Variants in DMD observed in about 807,000 individuals in gnomAD.
DMD encodes dystrophin, also known as mutant dystrophin.
Under a neutral mutation model 330.1 loss-of-function variants are expected in DMD, and 63 were observed. The observed-to-expected ratio is 0.19, with a 90% confidence interval of 0.16 to 0.24. The LOEUF is 0.24. Among genes scored for constraint, DMD ranks in the 10% least tolerant of loss-of-function variants. The pLI is 1.00. For synonymous variants in DMD, 1,223 were observed against 959.8 expected, an observed-to-expected ratio of 1.27 and a Z score of -5.07; for missense variants, 3,344 against 2,684.1, an observed-to-expected ratio of 1.25 and a Z score of -5.43.
chrX:32,705,926 C>A (rs758559225), intron 7 of DMD, among the ~76,000 whole-genome samples: 1 of 109,835 alleles, frequency 9.1e-6, no homozygotes, highest in Non-Finnish European at 1.9e-5. Flanking sequence ...CACATGCACA[C>A]GTATGTTTAC....
At chrX:31,617,322 G>A (rs1319684444) in intron 55 of DMD, among the ~76,000 whole-genome samples, 1 of 110,900 alleles carries the variant, frequency 9.0e-6, no homozygotes, top group Non-Finnish European at 1.9e-5. Context: ...ATCACCTGAG[G>A]TCAGGAGTTT....
intron 1 of DMD, among the ~76,000 whole-genome samples, chrX:33,306,783 T>C (rs975496104): frequency 1.8e-5 from 2 of 111,159 alleles, no homozygotes; most frequent in African/African-American, 6.5e-5. Flanking sequence ...GTCTCTGTAA[T>C]ACTGAGGACA....
chrX:31,579,544 G>C (rs1019378718), intron 55 of DMD, among the ~76,000 whole-genome samples: 2 of 111,866 alleles, frequency 1.8e-5, no homozygotes, highest in African/African-American at 6.5e-5. Context: ...AATTTACCAT[G>C]TTACACAGAT....
chrX:31,448,328 T>A (rs1240343463), intron 59 of DMD, among the ~76,000 whole-genome samples: 1 of 111,843 alleles, frequency 8.9e-6, no homozygotes, highest in Non-Finnish European at 1.9e-5. Flanking sequence ...CTTTGGCATT[T>A]GATTTAGGTT....
At chrX:31,184,435 A>C (rs2041518426) in intron 67 of DMD, among the ~76,000 whole-genome samples, 1 of 102,069 alleles carries the variant, frequency 9.8e-6, no homozygotes, top group Non-Finnish European at 2.0e-5. Flanking sequence ...CACCAGTTAG[A>C]ATGGCAATCA....
intron 2 of DMD, among the ~76,000 whole-genome samples, chrX:32,884,396 G>T (rs183211823): frequency 9.3e-4 from 104 of 111,961 alleles, no homozygotes; most frequent in Non-Finnish European, 1.3e-3. Context: ...AGTTAAAAGC[G>T]GTACCAACAG....
intron 57 of DMD, among the ~76,000 whole-genome samples, chrX:31,488,868 T>C (rs73452209): frequency 0.017 from 1,846 of 111,693 alleles, 17 homozygotes; most frequent in East Asian, 0.041. Context: ...CTTCCAGTGA[T>C]GTTTCCTTAC....
chrX:31,968,857 T>C (rs759513412), intron 44 of DMD, among the ~76,000 whole-genome samples: 20 of 111,934 alleles, frequency 1.8e-4, no homozygotes, highest in Non-Finnish European at 3.4e-4. Context: ...ATGTTCCATG[T>C]TTAATAGTCT....
intron 1 of DMD, among the ~76,000 whole-genome samples, chrX:33,199,215 C>T (rs2051128611): frequency 9.0e-6 from 1 of 111,059 alleles, no homozygotes; most frequent in Non-Finnish European, 1.9e-5. Context: ...AAAGAGAATG[C>T]AGAGAAACTG....
chrX:31,839,372 C>A (rs1426702173), intron 48 of DMD, among the ~76,000 whole-genome samples: 1 of 111,885 alleles, frequency 8.9e-6, no homozygotes, highest in Admixed American at 9.5e-5. Flanking sequence ...GTTGAACGGG[C>A]AAATAAATAC....
chrX:32,406,288 T>C (rs1569561394), intron 30 of DMD, among the ~76,000 whole-genome samples: 1 of 111,558 alleles, frequency 9.0e-6, no homozygotes, highest in African/African-American at 3.3e-5. Context: ...TCCAACAGTA[T>C]GTTGAATAGG....
chrX:31,936,425 A>G (rs1401601840), intron 45 of DMD, among the ~76,000 whole-genome samples: 1 of 111,785 alleles, frequency 8.9e-6, no homozygotes, highest in African/African-American at 3.2e-5. Context: ...AACAAATAAA[A>G]AGCTTGCCAT....
chrX:31,954,996 C>T (rs1406494653), intron 45 of DMD, among the ~76,000 whole-genome samples: 1 of 90,939 alleles, frequency 1.1e-5, no homozygotes, highest in Non-Finnish European at 2.1e-5. Context: ...TGAAATCCTG[C>T]CTCTACCAAA....
At chrX:32,253,711 C>T (rs1452056616) in intron 43 of DMD, among the ~76,000 whole-genome samples, 1 of 107,771 alleles carries the variant, frequency 9.3e-6, no homozygotes, top group Non-Finnish European at 1.9e-5. Context: ...GCAACCTCCG[C>T]CTGCTGGGTT....
At chrX:32,454,953 C>A (rs975072160) in intron 25 of DMD, 121 bp from the exon 26 acceptor site, 1 of 810,492 alleles carries the variant, frequency 1.2e-6, no homozygotes, top group African/African-American at 2.1e-5. Flanking sequence ...AAGTAAAAAG[C>A]TTATATGCAT....
intron 44 of DMD, among the ~76,000 whole-genome samples, chrX:31,982,689 T>A (rs1178269437): frequency 9.0e-6 from 1 of 110,669 alleles, no homozygotes; most frequent in Non-Finnish European, 1.9e-5. Flanking sequence ...TGGATTTTTT[T>A]ATTCAAGAGT....
chrX:31,659,755 G>A (rs2081019819), intron 53 of DMD, among the ~76,000 whole-genome samples: 1 of 108,104 alleles, frequency 9.3e-6, no homozygotes, highest in East Asian at 2.9e-4. Flanking sequence ...AATGTGCACA[G>A]TAATCACTGT....
intron 7 of DMD, among the ~76,000 whole-genome samples, chrX:32,799,292 G>A (rs905250260): frequency 2.2e-4 from 24 of 111,534 alleles, no homozygotes; most frequent in African/African-American, 7.5e-4. Flanking sequence ...TAACGGGTTT[G>A]TAAATGTCAT....
intron 56 of DMD, 89 bp downstream of exon 56, chrX:31,507,192 T>G: frequency 8.9e-4 from 765 of 859,684 alleles, no homozygotes; most frequent in Non-Finnish European, 1.2e-3. Flanking sequence ...CGTAGACATG[T>G]GAGATACCAG....
Sources: gnomAD v4.1 joint callset for allele counts (sites outside exome capture counted in the v4.1 genomes callset) on GRCh38, gnomAD v4.1.1 for gene constraint, MANE v1.5 for transcripts, NCBI Gene and HGNC (gene_info 2026-07-23, HGNC 2026-07-21) for gene names.